Variants in PTPRQ observed in about 807,000 individuals in gnomAD.
PTPRQ encodes phosphatidylinositol phosphatase PTPRQ.
Under a neutral mutation model 246.0 loss-of-function variants are expected in PTPRQ, and 199 were observed. The observed-to-expected ratio is 0.81, with a 90% CI of 0.72 to 0.91. PTPRQ has a LOEUF of 0.91. Ranked by LOEUF, PTPRQ falls within the 40% of genes least tolerant of loss-of-function variation. The pLI, the probability that PTPRQ is intolerant of heterozygous loss-of-function variation, is 0.00. For synonymous variants in PTPRQ, 869 were observed against 853.2 expected (o/e 1.02, Z -0.32); for missense variants, 2,624 against 2,528.4 (o/e 1.04, Z -0.81).
chr12:80,625,987 G>A (rs551095660), intron 33 of PTPRQ, among the ~76,000 whole-genome samples: 1 of 152,224 alleles, frequency 6.6e-6, no homozygotes, highest in Non-Finnish European at 1.5e-5. Context: ...TACCTTACAG[G>A]GCTCTCATTA....
At chr12:80,507,085 ATGAT>A (rs1310467484) in intron 16 of PTPRQ, among the ~76,000 whole-genome samples, 7 of 152,072 alleles carry the variant, frequency 4.6e-5, no homozygotes, top group Admixed American at 3.9e-4. Context: ...TACGATATTA[ATGAT>A]TAACTTGATA....
chr12:80,488,723 C>A (rs1894357490), intron 9 of PTPRQ, among the ~76,000 whole-genome samples: 1 of 151,878 alleles, frequency 6.6e-6, no homozygotes, highest in Non-Finnish European at 1.5e-5. Context: ...AAAAATATAA[C>A]CCTCCTATGC....
At chr12:80,477,304 G>A (rs1345711603) in intron 8 of PTPRQ, among the ~76,000 whole-genome samples, 1 of 151,990 alleles carries the variant, frequency 6.6e-6, no homozygotes, top group East Asian at 1.9e-4. Context: ...ATATTTAATT[G>A]CATTCAGAGT....
chr12:80,494,943 G>A lies in PTPRQ; in HGVS notation c.1551G>A (p.Arg517=), dbSNP rs1207871615. The A allele has an allele frequency of 7.8e-6, 12 of 1,541,256 alleles. No homozygotes were observed. The highest frequency in any genetic ancestry group is 1.1e-5 in the Non-Finnish European group (12 of 1,142,458). Residue 517 remains arginine, a synonymous_variant, in exon 11 of 45, where the codon AGG becomes AGA. Transcript: ENST00000644991. ...ACTGAATTCAAACAGTAACTACAAG[G>A]AATCAGTATATTACTGACATTGCAG... is the stretch of plus-strand genomic sequence containing the variant. The part of the protein sequence containing the change: ...EDQTSPVVTT[R]NQYITDIAAE...
At chr12:80,589,994 C>T (rs1048218130) in intron 26 of PTPRQ, among the ~76,000 whole-genome samples, 8 of 152,190 alleles carry the variant, frequency 5.3e-5, no homozygotes, top group African/African-American at 1.7e-4. Context: ...AGTCTGCTTA[C>T]ATCTTGACTA....
In PTPRQ at chr12:80,539,836, G is replaced by A; in HGVS notation, c.3046G>A (p.Asp1016Asn). The A allele has an allele frequency of 6.5e-7, 1 of 1,548,658 alleles. No individual in the cohort carries two copies. Among genetic ancestry groups the A allele is most frequent in the Non-Finnish European group, 8.7e-7 (1 of 1,145,744 alleles). The change falls in exon 20 of 45, where the codon GAT (aspartate) becomes AAT (asparagine). Residue 1016 changes from aspartate (D) to asparagine (N), a missense_variant. Asp to Asn is a conservative substitution (Grantham distance 23, BLOSUM62 1). Coordinates refer to ENST00000644991, the MANE Select transcript of PTPRQ (RefSeq NM_001145026.2). ...CAATATGACTGTATCCACAATTATA[G>A]ATAAACTGACAATATTCAGCTACTA... is the stretch of plus-strand genomic sequence containing the variant. Reference protein sequence around the residue: ...FDNMTVSTIIDKLTIFSYYTF... With the variant: ...FDNMTVSTIINKLTIFSYYTF...
intron 8 of PTPRQ, among the ~76,000 whole-genome samples, chr12:80,482,118 T>G (rs1016937017): frequency 6.6e-6 from 1 of 151,964 alleles, no homozygotes; most frequent in Admixed American, 6.6e-5. Context: ...TACCTGACTT[T>G]AAACTATACT....
chr12:80,651,311 A>G (rs1173395656), intron 37 of PTPRQ, among the ~76,000 whole-genome samples: 1 of 152,158 alleles, frequency 6.6e-6, no homozygotes, highest in Non-Finnish European at 1.5e-5. Flanking sequence ...TTGCAAATTT[A>G]CTGTATCTTG....
At chr12:80,517,598 T>G (rs1895344230) in intron 17 of PTPRQ, among the ~76,000 whole-genome samples, 1 of 151,960 alleles carries the variant, frequency 6.6e-6, no homozygotes, top group Non-Finnish European at 1.5e-5. Context: ...CTAGATCATA[T>G]TCATTCTTTC....
chr12:80,601,620 C>A (rs1898146840), intron 26 of PTPRQ, among the ~76,000 whole-genome samples: 1 of 151,786 alleles, frequency 6.6e-6, no homozygotes, highest in East Asian at 1.9e-4. Context: ...TCTGTCCACA[C>A]TGGTTCTTAC....
At chr12:80,579,191 G>C (rs967645429) in intron 25 of PTPRQ, among the ~76,000 whole-genome samples, 7 of 152,034 alleles carry the variant, frequency 4.6e-5, no homozygotes, top group African/African-American at 1.7e-4. Context: ...TGATATGAAG[G>C]CTCAGACTTT....
Position 80,493,333 on chromosome 12 carries a change from T to C in PTPRQ, c.1418T>C (p.Leu473Ser). ...AACATAGTAGAGCCAATGGTAGGATTATATGAGGGTTCAGCAGAGATGTCG... is the reference window on the plus strand; with the variant it reads ...AACATAGTAGAGCCAATGGTAGGATCATATGAGGGTTCAGCAGAGATGTCG... Reference protein sequence around the residue: ...IVNIVEPMVGLYEGSAEMSSD... With the variant: ...IVNIVEPMVGSYEGSAEMSSD... The change falls in exon 10 of 45, where the codon TTA becomes TCA. Residue 473 changes from leucine (L) to serine (S), a missense_variant. Transcript: ENST00000644991. The C allele has an allele frequency of 6.5e-7, 1 of 1,549,452 alleles. No individual in the cohort carries two copies. The highest frequency in any genetic ancestry group is 2.0e-5 in the Admixed American group (1 of 50,876).
chr12:80,471,600 C>G (rs1893635971), intron 7 of PTPRQ, among the ~76,000 whole-genome samples: 1 of 74,728 alleles, frequency 1.3e-5, no homozygotes, highest in South Asian at 5.3e-4. Flanking sequence ...GCCTCAGCCT[C>G]CCAAGTAGCT....
At chr12:80,484,995 G>T (rs1894225982) in intron 9 of PTPRQ, among the ~76,000 whole-genome samples, 1 of 152,004 alleles carries the variant, frequency 6.6e-6, no homozygotes, top group African/African-American at 2.4e-5. Context: ...AACTTTAGTA[G>T]CTGTTGTTGA....
chr12:80,588,310 A>G lies in PTPRQ; in HGVS notation c.4467A>G (p.Gln1489=), dbSNP rs981510585. The change falls in exon 26 of 45, where the codon CAA becomes CAG. Residue 1489 remains glutamine, a synonymous_variant. Coordinates refer to ENST00000644991, the MANE Select transcript of PTPRQ (RefSeq NM_001145026.2). ...SEECVEYQKI[Q]YLYEAHLTEE... is the part of the protein sequence containing the mutation. ...AATGTGTTGAATATCAAAAAATTCA[A>G]TACCTCTATGAAGCTCACTTAACTG... 4 of 1,551,636 alleles carry G rather than the reference A, an allele frequency of 2.6e-6. No homozygotes were observed. Among genetic ancestry groups the G allele is most frequent in the Middle Eastern group, 3.3e-4 (2 of 5,990 alleles).
At chr12:80,450,301 T>C (rs1159008445) in intron 3 of PTPRQ, among the ~76,000 whole-genome samples, 3 of 152,218 alleles carry the variant, frequency 2.0e-5, no homozygotes, top group African/African-American at 7.2e-5. Flanking sequence ...GTTTTCTAGA[T>C]ATACAATCAT....
intron 33 of PTPRQ, among the ~76,000 whole-genome samples, chr12:80,631,562 A>G (rs1320183179): frequency 1.3e-5 from 2 of 152,118 alleles, no homozygotes; most frequent in Non-Finnish European, 2.9e-5. Context: ...CTCTAGCACC[A>G]TTATATGTCT....
chr12:80,528,231 C>A (rs1045308889), intron 17 of PTPRQ, among the ~76,000 whole-genome samples: 1 of 152,088 alleles, frequency 6.6e-6, no homozygotes, highest in Non-Finnish European at 1.5e-5. Context: ...AGTTTATAAG[C>A]TTTAAAGGAG....
chr12:80,550,749 G>A lies in PTPRQ; in HGVS notation c.4285+1015G>A, dbSNP rs141144150. Among the ~76,000 whole-genome samples, 467 of 152,086 alleles carry A rather than the reference G, an allele frequency of 3.1e-3. 3 individuals are homozygous for A. The highest frequency in any genetic ancestry group is 0.014 in the Middle Eastern group (4 of 294). On this transcript the variant is annotated intron_variant, in intron 25 of 44. Coordinates refer to ENST00000644991, the MANE Select transcript of PTPRQ (RefSeq NM_001145026.2). Reference sequence around the variant, plus strand: ...TACTTTGTTTGTCTATAAATTCATCGTCCTTAATTGTCCCAGCTGCTCCAA... The same window carrying A: ...TACTTTGTTTGTCTATAAATTCATCATCCTTAATTGTCCCAGCTGCTCCAA...
Sources: allele counts gnomAD v4.1 joint callset (sites outside exome capture counted in the v4.1 genomes callset), GRCh38; gene constraint gnomAD v4.1.1; transcripts MANE v1.5; gene names NCBI Gene and HGNC (gene_info 2026-07-23, HGNC 2026-07-21).